Variants in ELMO2 observed in about 807,000 individuals in gnomAD.
ELMO2 encodes engulfment and cell motility protein 2.
A neutral mutation model predicts 96.2 loss-of-function variants in ELMO2; 37 were observed. The ratio of observed to expected loss-of-function variants is 0.38; its 90% CI spans 0.30 to 0.51. ELMO2 has a LOEUF of 0.51. ELMO2 is among the 20% of genes least tolerant of loss of function. The probability of loss-of-function intolerance (pLI) is 0.88; values close to 1 mark genes in which losing one functional copy is unlikely to be tolerated. For missense variants in ELMO2, 561 were observed against 912.6 expected (o/e 0.61, Z 4.96); for synonymous variants, 315 against 329.4 (o/e 0.96, Z 0.47).
At chr20:46,384,540 G>T (rs2145811048) in intron 9 of ELMO2, among the ~76,000 whole-genome samples, 1 of 68,704 alleles carries the variant, frequency 1.5e-5, no homozygotes, top group South Asian at 5.6e-4. Flanking sequence ...GGGCCACTCT[G>T]AATTCAGAGA....
chr20:46,374,367 T>C lies in ELMO2; in HGVS notation c.1244A>G (p.Lys415Arg). The C allele has an allele frequency of 1.2e-6, 2 of 1,614,100 alleles. No homozygotes were observed. The highest frequency in any genetic ancestry group is 1.7e-6 in the Non-Finnish European group (2 of 1,179,992). ...PFGRSAIELT[K>R]MLCEILQVGE... ...AACCTGCAGGATTTCACAGAGCATTTTGGTGAGCTCAATGGCACTGCGGCC... is the reference window on the plus strand; with the variant it reads ...AACCTGCAGGATTTCACAGAGCATTCTGGTGAGCTCAATGGCACTGCGGCC... The change falls in exon 15 of 22, where the codon AAA (lysine) becomes AGA (arginine). Residue 415 changes from lysine (K) to arginine (R), a missense_variant. Lys to Arg is a conservative substitution (Grantham distance 26, BLOSUM62 2). Transcript: ENST00000290246.
chr20:46,390,094 A>G (rs2060124934), intron 6 of ELMO2, among the ~76,000 whole-genome samples: 1 of 152,152 alleles, frequency 6.6e-6, no homozygotes. Flanking sequence ...TGGAGGCTGC[A>G]GTGAGCCAAG....
At chr20:46,397,121 T>G (rs2060256615) in intron 2 of ELMO2, among the ~76,000 whole-genome samples, 1 of 152,218 alleles carries the variant, frequency 6.6e-6, no homozygotes. Context: ...TGACTCTCTC[T>G]TTATTAAAGT....
chr20:46,383,389 G>T, intron 10 of ELMO2, 27 bp downstream of exon 10: 1 of 1,605,596 alleles, frequency 6.2e-7, no homozygotes, highest in South Asian at 1.1e-5. Flanking sequence ...GAGCCCAGAT[G>T]AAAAATGTGA....
chr20:46,368,513 C>T (rs1462023982), intron 21 of ELMO2, among the ~76,000 whole-genome samples: 1 of 152,074 alleles, frequency 6.6e-6, no homozygotes, highest in Admixed American at 6.5e-5. Flanking sequence ...AGGTAAATGA[C>T]TCATTCCTAG....
rs771280042 is a variant in ELMO2 at position 46,383,421 on chromosome 20, G to A, written c.751C>T (p.Arg251Ter). The change falls in exon 10 of 22, where the codon CGA becomes TGA. Residue 251 changes from arginine (R) to a stop codon, truncating the protein, a stop_gained. Coordinates refer to ENST00000290246, the MANE Select transcript of ELMO2 (RefSeq NM_133171.5). LOFTEE classifies it high-confidence loss of function. ...GTGAAAAGGCAGCCACAGACCTGTC[G>A]TTTGTCCTCAGGAGCCTTCAGAAAA... is the stretch of plus-strand genomic sequence containing the variant. ...ALFLKAPEDKRQDMANAFAQK... is the reference protein window; with the variant it reads ...ALFLKAPEDK 2.5e-6 allele frequency: 4 copies of A among 1,613,928 alleles called. No individual in the cohort carries two copies. Among genetic ancestry groups the A allele is most frequent in the Non-Finnish European group, 3.4e-6 (4 of 1,179,910 alleles).
chr20:46,386,035 C>A (rs1277630349), intron 9 of ELMO2, 89 bp downstream of exon 9: 9 of 1,442,346 alleles, frequency 6.2e-6, no homozygotes, highest in Non-Finnish European at 8.5e-6. Flanking sequence ...GGAATATAAG[C>A]AAAGGAGAGT....
At chr20:46,369,093 A>G (rs1043522660) in intron 20 of ELMO2, 125 bp from the exon 21 acceptor site, 37 of 891,724 alleles carry the variant, frequency 4.1e-5, no homozygotes, top group Middle Eastern at 3.3e-4. Context: ...AATGTCATCA[A>G]TGCTCCTAGG....
chr20:46,389,001 C>T (rs1463620057), intron 7 of ELMO2, 38 bp downstream of exon 7: 2 of 1,587,104 alleles, frequency 1.3e-6, no homozygotes, highest in Non-Finnish European at 1.7e-6. Context: ...TGTAGTAAAT[C>T]GTCGAAGTCC....
At chr20:46,392,366 T>C (rs1433591343) in intron 6 of ELMO2, among the ~76,000 whole-genome samples, 1 of 152,182 alleles carries the variant, frequency 6.6e-6, no homozygotes, top group Non-Finnish European at 1.5e-5. Context: ...ACTCTTCATA[T>C]CCATCCTTTC....
At chr20:46,401,255 G>T (rs754253915) in intron 1 of ELMO2, among the ~76,000 whole-genome samples, 1 of 152,112 alleles carries the variant, frequency 6.6e-6, no homozygotes, top group African/African-American at 2.4e-5. Flanking sequence ...ACTGAATGAC[G>T]ATCAGACTCT....
At chr20:46,396,243 G>A (rs1447802068) in intron 2 of ELMO2, among the ~76,000 whole-genome samples, 1 of 152,194 alleles carries the variant, frequency 6.6e-6, no homozygotes, top group Non-Finnish European at 1.5e-5. Flanking sequence ...GGGAGTTCTT[G>A]TTCTAGGGGT....
At chr20:46,382,279 G>A (rs769315897) in intron 10 of ELMO2, 52 of 1,289,448 alleles carry the variant, frequency 4.0e-5, no homozygotes, top group Non-Finnish European at 4.8e-5. Flanking sequence ...AGAAGCAGAC[G>A]GAATGAGCTT....
chr20:46,379,127 G>A (rs1331618886), intron 11 of ELMO2, among the ~76,000 whole-genome samples: 1 of 151,964 alleles, frequency 6.6e-6, no homozygotes, highest in Non-Finnish European at 1.5e-5. Flanking sequence ...CTGAGTAGCT[G>A]GGATTACAGG....
At chr20:46,394,305 T>C in intron 3 of ELMO2, 100 bp downstream of exon 3, 2 of 1,387,914 alleles carry the variant, frequency 1.4e-6, no homozygotes, top group Non-Finnish European at 2.0e-6. Context: ...TGCTCGTTCT[T>C]ACTCTTGATG....
At chr20:46,374,220 GTGTGA>G in intron 15 of ELMO2, 107 bp downstream of exon 15, 1 of 747,630 alleles carries the variant, frequency 1.3e-6, no homozygotes, top group South Asian at 1.6e-5. Flanking sequence ...GAGATTACAG[GTGTGA>G]ACCACCACGC....
chr20:46,370,121 T>C, intron 20 of ELMO2: 1 of 443,944 alleles, frequency 2.3e-6, no homozygotes. Flanking sequence ...TTTCCTGTTA[T>C]GTGTGCTAAT....
intron 20 of ELMO2, 60 bp from the exon 21 acceptor site, chr20:46,369,028 T>G: frequency 6.5e-7 from 1 of 1,529,766 alleles, no homozygotes; most frequent in Non-Finnish European, 9.1e-7. Flanking sequence ...CACATCAAGA[T>G]CTTGGCCAAA....
intron 9 of ELMO2, 109 bp from the exon 10 acceptor site, chr20:46,383,603 C>G (rs2145808179): frequency 1.8e-6 from 2 of 1,084,610 alleles, no homozygotes; most frequent in South Asian, 2.6e-5. Context: ...AAATAATGAT[C>G]TGGAGCTCAG....
Sources: allele counts gnomAD v4.1 joint callset (sites outside exome capture counted in the v4.1 genomes callset), GRCh38; gene constraint gnomAD v4.1.1; transcripts MANE v1.5; gene names NCBI Gene and HGNC (gene_info 2026-07-23, HGNC 2026-07-21).